DLG2: variants seen among roughly 807,000 people sequenced by gnomAD.
DLG2 encodes discs large MAGUK scaffold protein 2, also known as disks large homolog 2.
DLG2 carries 45 observed loss-of-function variants against 132.5 expected under a neutral mutation model. The ratio of observed to expected loss-of-function variants is 0.34; its 90% CI spans 0.27 to 0.44. The LOEUF is 0.44. DLG2 is among the 20% of genes least tolerant of loss of function. DLG2 has a pLI of 1.00. For synonymous variants in DLG2, 424 were observed against 419.6 expected, an observed-to-expected ratio of 1.01 and a Z score of -0.13; for missense variants, 1,045 against 1,196.9, an observed-to-expected ratio of 0.87 and a Z score of 1.87.
chr11:84,208,563 C>A (rs1002647073), intron 8 of DLG2, among the ~76,000 whole-genome samples: 2 of 151,932 alleles, frequency 1.3e-5, no homozygotes, highest in Non-Finnish European at 2.9e-5. Flanking sequence ...AGGCTGGTCT[C>A]GAACTACTGA....
intron 17 of DLG2, among the ~76,000 whole-genome samples, chr11:83,796,013 A>G (rs1043890700): frequency 4.6e-5 from 7 of 152,230 alleles, no homozygotes; most frequent in Admixed American, 2.0e-4. Context: ...TAAAGACTCA[A>G]TTCAAACTGA....
intron 6 of DLG2, among the ~76,000 whole-genome samples, chr11:85,035,581 C>T (rs2061370918): frequency 6.6e-6 from 1 of 152,184 alleles, no homozygotes; most frequent in Non-Finnish European, 1.5e-5. Context: ...AGTCACCTTC[C>T]ACCAAGTCCC....
rs184080366 is a variant in DLG2 at position 85,604,815 on chromosome 11, T to C, written c.-92-6027A>G. Among the ~76,000 whole-genome samples the C allele has an allele frequency of 3.0e-4, 46 of 152,310 alleles. No individual in the cohort carries two copies. In the East Asian group the frequency reaches 8.5e-3, roughly 28 times the overall value. The stretch of plus-strand genomic sequence containing the variant: ...CTGTTAATTAAGGTTCAACTCTATA[T>C]TGTACATGGTTTAAGAATAGCATCA... On this transcript the variant is annotated intron_variant, in intron 2 of 27. Transcript: ENST00000376104.
At chr11:84,730,259 A>G (rs2062998517) in intron 6 of DLG2, among the ~76,000 whole-genome samples, 1 of 152,052 alleles carries the variant, frequency 6.6e-6, no homozygotes, top group South Asian at 2.1e-4. Context: ...TTTCTTAAGT[A>G]CAAAAAAAGG....
intron 6 of DLG2, among the ~76,000 whole-genome samples, chr11:84,665,541 C>T (rs1458430391): frequency 6.6e-6 from 1 of 152,122 alleles, no homozygotes; most frequent in African/African-American, 2.4e-5. Flanking sequence ...TCCTTTCTCA[C>T]TTAGAAAACT....
chr11:83,734,398 TCC>T (rs1566753551), intron 18 of DLG2, among the ~76,000 whole-genome samples: 13 of 144,352 alleles, frequency 9.0e-5, no homozygotes, highest in African/African-American at 3.4e-4. Flanking sequence ...CTTCCTTCCT[TCC>T]TTCCTTCCCT....
intron 7 of DLG2, among the ~76,000 whole-genome samples, chr11:84,355,549 C>T (rs1056831346): frequency 1.3e-5 from 2 of 152,030 alleles, no homozygotes; most frequent in Non-Finnish European, 2.9e-5. Flanking sequence ...TTGGATTCCC[C>T]AGCCTCCAGA....
At chr11:85,370,037 T>G (rs570676999) in intron 3 of DLG2, among the ~76,000 whole-genome samples, 1 of 152,312 alleles carries the variant, frequency 6.6e-6, no homozygotes, top group East Asian at 1.9e-4. Context: ...TGCCAAGTGT[T>G]TTGAGGTTAC....
At chr11:83,485,400 A>T (rs537793994) in intron 21 of DLG2, among the ~76,000 whole-genome samples, 4 of 152,128 alleles carry the variant, frequency 2.6e-5, no homozygotes, top group Non-Finnish European at 5.9e-5. Flanking sequence ...TACTAATTTC[A>T]TATTCATATA....
At chr11:83,819,930 A>C (rs560041582) in intron 17 of DLG2, among the ~76,000 whole-genome samples, 1 of 150,432 alleles carries the variant, frequency 6.6e-6, no homozygotes, top group East Asian at 1.9e-4. Flanking sequence ...GTTTAAATAC[A>C]GGACCCTCAC....
chr11:85,100,082 T>C (rs2070629737), intron 6 of DLG2, among the ~76,000 whole-genome samples: 1 of 152,168 alleles, frequency 6.6e-6, no homozygotes, highest in Non-Finnish European at 1.5e-5. Flanking sequence ...AGAAAAAAAT[T>C]AAATTCTATG....
intron 3 of DLG2, among the ~76,000 whole-genome samples, chr11:85,566,677 C>T (rs1288638223): frequency 6.6e-6 from 1 of 152,020 alleles, no homozygotes; most frequent in Non-Finnish European, 1.5e-5. Flanking sequence ...TCTCACAGGC[C>T]CCACGTCCTA....
chr11:84,126,149 G>A (rs956150133), intron 9 of DLG2, among the ~76,000 whole-genome samples: 5 of 152,200 alleles, frequency 3.3e-5, no homozygotes, highest in Admixed American at 1.3e-4. Context: ...CCATTGCAGG[G>A]TGGTTTGTGG....
At chr11:85,415,068 T>A (rs909195155) in intron 3 of DLG2, among the ~76,000 whole-genome samples, 3 of 152,072 alleles carry the variant, frequency 2.0e-5, no homozygotes, top group Non-Finnish European at 4.4e-5. Flanking sequence ...TGTCCATGTG[T>A]TCTCATTGAT....
chr11:85,177,621 C>T lies in DLG2; in HGVS notation c.187-22970G>A, dbSNP rs535550825. ...ACCTGTGCAGCAAACCACCATGGCA[C>T]ACTTTTACCTATGGAACAAACCTAC... is the stretch of plus-strand genomic sequence containing the variant. On this transcript the variant is annotated intron_variant, in intron 4 of 27. Coordinates refer to ENST00000376104, the MANE Select transcript of DLG2 (RefSeq NM_001142699.3). 1.6e-4 allele frequency among the ~76,000 whole-genome samples: 25 copies of T among 152,114 alleles called. No individual in the cohort carries two copies. The South Asian group carries it at 4.8e-3, about 29-fold the overall frequency.
intron 6 of DLG2, among the ~76,000 whole-genome samples, chr11:84,822,138 G>A (rs2077776574): frequency 6.6e-6 from 1 of 151,778 alleles, no homozygotes; most frequent in African/African-American, 2.4e-5. Context: ...CTCTGTCACA[G>A]TAGTTTACCT....
intron 6 of DLG2, among the ~76,000 whole-genome samples, chr11:84,731,206 C>T (rs987542495): frequency 1.3e-5 from 2 of 152,056 alleles, no homozygotes; most frequent in African/African-American, 2.4e-5. Context: ...CATGGAAAAA[C>T]TTTGCTTGGT....
At chr11:83,808,623 A>C (rs1191244070) in intron 17 of DLG2, among the ~76,000 whole-genome samples, 3 of 152,178 alleles carry the variant, frequency 2.0e-5, no homozygotes, top group Non-Finnish European at 4.4e-5. Context: ...AAACCCAGAC[A>C]TATAATTCTG....
At chr11:84,798,915 C>G (rs2075025130) in intron 6 of DLG2, among the ~76,000 whole-genome samples, 1 of 152,130 alleles carries the variant, frequency 6.6e-6, no homozygotes, top group African/African-American at 2.4e-5. Flanking sequence ...TCACCCCATC[C>G]TAGTGTGCCT....
Sources: gnomAD v4.1 joint callset for allele counts (sites outside exome capture counted in the v4.1 genomes callset) on GRCh38, gnomAD v4.1.1 for gene constraint, MANE v1.5 for transcripts, NCBI Gene and HGNC (gene_info 2026-07-23, HGNC 2026-07-21) for gene names.